SORT1: variants seen among roughly 807,000 people sequenced by gnomAD.
SORT1 encodes the protein sortilin.
A neutral mutation model predicts 101.7 loss-of-function variants in SORT1; 39 were observed. That is an observed-to-expected ratio of 0.38 (90% confidence interval 0.30 to 0.50). SORT1 has a LOEUF of 0.50. Among genes scored for constraint, SORT1 ranks in the 20% least tolerant of loss-of-function variants. The probability of loss-of-function intolerance (pLI) is 0.90; values close to 1 mark genes in which losing one functional copy is unlikely to be tolerated. For synonymous variants in SORT1, 396 were observed against 393.7 expected (o/e 1.01, Z -0.07); for missense variants, 878 against 1,040.4 (o/e 0.84, Z 2.15).
chr1:109,363,724 C>T (rs559304483), intron 3 of SORT1, among the ~76,000 whole-genome samples: 93 of 152,136 alleles, frequency 6.1e-4, no homozygotes, highest in Non-Finnish European at 1.1e-3. Context: ...ATTTAGTATG[C>T]GAAGATGGTC....
At chr1:109,360,944 T>C (rs536337534) in intron 3 of SORT1, among the ~76,000 whole-genome samples, 37 of 152,358 alleles carry the variant, frequency 2.4e-4, no homozygotes, top group African/African-American at 7.7e-4. Flanking sequence ...CCTTCCCTCA[T>C]TGGGTTCAAA....
At chr1:109,392,879 T>C (rs543979460) in intron 1 of SORT1, 7 of 985,244 alleles carry the variant, frequency 7.1e-6, no homozygotes, top group South Asian at 4.7e-5. Context: ...TCCTACTCCT[T>C]GATCCAAAGC....
rs923013171 is a variant in SORT1, at chr1:109,397,646, C to G, written c.247G>C (p.Asp83His). The G allele has an allele frequency of 1.4e-5, 17 of 1,249,746 alleles. No individual in the cohort carries two copies. In the African/African-American group the frequency reaches 2.4e-4, roughly 18 times the overall value. 77.4% of individuals were successfully genotyped at this position (1,249,746 alleles called of 1,614,324 possible). A position where few individuals can be genotyped will look rare whatever the true frequency, so the allele number is the denominator to read the frequency against. ...GRWRRSAPGE[D>H]EECGRVRDFV... ...TCCCGGACCCGGCCGCACTCCTCGT[C>G]CTCGCCCGGCGCGCTGCGACGCCAA... Residue 83 changes from aspartate to histidine, a missense_variant, in exon 1 of 20, where the codon GAC becomes CAC. This residue lies in a region of SORT1 where 194 missense variants were observed against 145.9 expected (regional missense o/e 1.33). Coordinates refer to ENST00000256637, the MANE Select transcript of SORT1 (RefSeq NM_002959.7).
intron 18 of SORT1, 48 bp from the exon 19 acceptor site, chr1:109,314,432 C>T: frequency 6.2e-7 from 1 of 1,602,660 alleles, no homozygotes; most frequent in South Asian, 1.1e-5. Context: ...AGCAGGGGTG[C>T]ACTTCTTACA....
intron 3 of SORT1, among the ~76,000 whole-genome samples, chr1:109,356,485 G>A (rs1650333630): frequency 6.6e-6 from 1 of 152,084 alleles, no homozygotes; most frequent in African/African-American, 2.4e-5. Flanking sequence ...TCTGTACTTA[G>A]TTACAGAATC....
chr1:109,369,577 C>A lies in SORT1; in HGVS notation c.319G>T (p.Asp107Tyr), dbSNP rs1651346443. ...ANNTHQHVFD[D>Y]LRGSVSLSWV... ...GACAAGGATACTGAGCCTCTGAGATCATCAAACACATGCTATAAGGGGAAA... is the reference window on the plus strand; with the variant it reads ...GACAAGGATACTGAGCCTCTGAGATAATCAAACACATGCTATAAGGGGAAA... The change falls in exon 2 of 20, where the codon GAT becomes TAT. Residue 107 changes from aspartate (D) to tyrosine (Y), a missense_variant. This residue lies in a region of SORT1 where 684 missense variants were observed against 894.5 expected (regional missense o/e 0.76). Transcript: ENST00000256637. 1.9e-6 allele frequency: 3 copies of A among 1,606,316 alleles called. No individual in the cohort carries two copies. Among genetic ancestry groups the A allele is most frequent in the African/African-American group, 1.3e-5 (1 of 74,726 alleles).
intron 16 of SORT1, among the ~76,000 whole-genome samples, chr1:109,317,522 T>A (rs3853498): frequency 6.6e-6 from 1 of 151,988 alleles, no homozygotes; most frequent in African/African-American, 2.4e-5. Context: ...TCATGGCGGA[T>A]GGGACGCTTC....
intron 3 of SORT1, 62 bp downstream of exon 3, chr1:109,367,346 G>C: frequency 1.0e-6 from 1 of 955,880 alleles, no homozygotes; most frequent in Non-Finnish European, 1.6e-6. Flanking sequence ...GTCTAGAAAA[G>C]GGAGAATCTA....
At chr1:109,314,607 C>T (rs1314348142) in intron 18 of SORT1, 65 bp downstream of exon 18, 1 of 1,224,914 alleles carries the variant, frequency 8.2e-7, no homozygotes, top group Non-Finnish European at 1.2e-6. Context: ...TAGACTCAGC[C>T]ATATGCCCTA....
intron 1 of SORT1, among the ~76,000 whole-genome samples, chr1:109,387,057 G>A (rs184241442): frequency 6.6e-6 from 1 of 152,332 alleles, no homozygotes; most frequent in Non-Finnish European, 1.5e-5. Flanking sequence ...TTGGGAGGCT[G>A]AGGCAGGCAG....
chr1:109,365,859 C>T (rs1159493477), intron 3 of SORT1, among the ~76,000 whole-genome samples: 1 of 152,112 alleles, frequency 6.6e-6, no homozygotes, highest in Non-Finnish European at 1.5e-5. Flanking sequence ...GGCTCCATGC[C>T]CAGGAGATGT....
intron 15 of SORT1, among the ~76,000 whole-genome samples, 190 bp from the exon 16 acceptor site, chr1:109,318,159 T>C (rs370257708): frequency 6.6e-6 from 1 of 151,332 alleles, no homozygotes; most frequent in African/African-American, 2.4e-5. Flanking sequence ...GAGGGCCTTT[T>C]TTTTTTTTTT....
chr1:109,350,882 C>G (rs776861532), intron 6 of SORT1, 47 bp downstream of exon 6: 1 of 1,250,684 alleles, frequency 8.0e-7, no homozygotes, highest in Non-Finnish European at 1.2e-6. Flanking sequence ...GCAGCGCTAT[C>G]AGGAAGGGTT....
At chr1:109,327,698 C>G (rs906884391) in intron 11 of SORT1, 97 bp from the exon 12 acceptor site, 22 of 703,170 alleles carry the variant, frequency 3.1e-5, no homozygotes, top group Non-Finnish European at 2.3e-6. Flanking sequence ...TTTAAGTTAA[C>G]CCAGACCTAG....
intron 11 of SORT1, among the ~76,000 whole-genome samples, chr1:109,334,473 T>C (rs1648673798): frequency 6.6e-6 from 1 of 152,156 alleles, no homozygotes. Flanking sequence ...ATAAGTGGAA[T>C]GTAAAAATGT....
intron 3 of SORT1, among the ~76,000 whole-genome samples, chr1:109,359,342 T>A (rs1650560658): frequency 6.6e-6 from 1 of 151,936 alleles, no homozygotes; most frequent in African/African-American, 2.4e-5. Flanking sequence ...GCACTAGGGG[T>A]TAAAATTTCA....
chr1:109,323,780 T>C (rs922617520), intron 14 of SORT1, among the ~76,000 whole-genome samples: 1 of 152,220 alleles, frequency 6.6e-6, no homozygotes, highest in Non-Finnish European at 1.5e-5. Flanking sequence ...TACAGCCTGC[T>C]AAAGAGCAGG....
intron 18 of SORT1, 119 bp from the exon 19 acceptor site, chr1:109,314,503 G>T: frequency 7.8e-7 from 1 of 1,287,980 alleles, no homozygotes; most frequent in Non-Finnish European, 1.1e-6. Flanking sequence ...AGAAAGCACA[G>T]TCCATGGTTG....
Position 109,355,451 on chromosome 1 carries a change from G to C in SORT1, c.459C>G (p.Asn153Lys). 9 of 1,585,844 alleles carry C rather than the reference G, an allele frequency of 5.7e-6. No homozygotes were observed. Among genetic ancestry groups the C allele is most frequent in the Non-Finnish European group, 6.9e-6 (8 of 1,154,292 alleles). The stretch of plus-strand genomic sequence containing the variant: ...TGATGAGATCTGTAATATCCTTAAA[G>C]TTCTTCCCATAATCCTCACTGAGAG... ...KLYRSEDYGK[N>K]FKDITDLINN... Residue 153 changes from asparagine (N) to lysine (K), a missense_variant, in exon 4 of 20, where the codon AAC (asparagine) becomes AAG (lysine). Asn to Lys is a moderately conservative substitution (Grantham distance 94). Around this residue, in one of 2 missense-constraint regions of SORT1, gnomAD observed 684 missense variants for 894.5 expected, o/e 0.76. Transcript: ENST00000256637.
Sources: allele counts gnomAD v4.1 joint callset (sites outside exome capture counted in the v4.1 genomes callset), GRCh38; gene constraint gnomAD v4.1.1; regional missense constraint gnomAD v4.1.1; transcripts MANE v1.5; gene names NCBI Gene and HGNC (gene_info 2026-07-23, HGNC 2026-07-21).